The following BLVRA variants were observed in gnomAD, a reference collection of about 807,000 sequenced individuals.
BLVRA encodes the protein BVR A.
BLVRA carries 22 observed loss-of-function variants against 32.8 expected under a neutral mutation model. The observed-to-expected ratio is 0.67, with a 90% CI of 0.48 to 0.96. The LOEUF is 0.96. BLVRA is among the 40% of genes least tolerant of loss of function. BLVRA has a pLI of 0.00. For missense variants in BLVRA, 323 were observed against 358.1 expected (o/e 0.90, Z 0.79); for synonymous variants, 119 against 141.3 (o/e 0.84, Z 1.12).
chr7:43,773,880 T>G (rs2095757424), intron 2 of BLVRA, among the ~76,000 whole-genome samples: 1 of 152,258 alleles, frequency 6.6e-6, no homozygotes, highest in African/African-American at 2.4e-5. Flanking sequence ...TGCATTTCTC[T>G]GATGGCCAGT....
chr7:43,791,045 C>T (rs907892197), intron 3 of BLVRA, among the ~76,000 whole-genome samples: 1 of 152,212 alleles, frequency 6.6e-6, no homozygotes, highest in Non-Finnish European at 1.5e-5. Flanking sequence ...GTACTGTTGG[C>T]ACTCAATGCC....
chr7:43,762,606 C>CT (rs1162480081), intron 1 of BLVRA, among the ~76,000 whole-genome samples: 16,118 of 99,484 alleles, frequency 0.16, 2,285 homozygotes, highest in African/African-American at 0.35. Flanking sequence ...CCAGTAGTTC[C>CT]TTTTTTTTTT....
chr7:43,758,344 C>CGGAGCCAGGCACACCGTGAG (rs2095738289), upstream of BLVRA, among the ~76,000 whole-genome samples: 1 of 124,926 alleles, frequency 8.0e-6, no homozygotes, highest in Non-Finnish European at 2.0e-5. Context: ...CCCCCCACGC[C>CGGAGCCAGGCACACCGTGAG]GGGGCCAGGC....
chr7:43,787,858 A>G lies in BLVRA; in HGVS notation c.13-46A>G, dbSNP rs953752957. On this transcript the variant is annotated intron_variant, in intron 2 of 7. Coordinates refer to ENST00000265523, the MANE Select transcript of BLVRA (RefSeq NM_000712.4). This position sits in a 1 kb window ranked among gnomAD's most constrained non-coding sequence, Gnocchi z 4.5. ...CCTTTGTTTTGTAGTTTTCTGCTCG[A>G]TGCCTACAGTGTTTTCAGACTCCAC... 3 of 1,613,940 alleles carry G rather than the reference A, an allele frequency of 1.9e-6. No homozygotes were observed. Among genetic ancestry groups the G allele is most frequent in the African/African-American group, 1.3e-5 (1 of 74,962 alleles).
chr7:43,792,752 T>C lies in BLVRA; in HGVS notation c.292T>C (p.Tyr98His). 1 of 1,614,234 alleles carries C rather than the reference T, an allele frequency of 6.2e-7. No individual in the cohort carries two copies. The highest frequency in any genetic ancestry group is 8.5e-7 in the Non-Finnish European group (1 of 1,180,026). The part of the protein sequence containing the change: ...LNAGKHVLVE[Y>H]PMTLSLAAAQ... ...TGCTGGCAAGCACGTCCTTGTGGAA[T>C]ACCCCATGACACTGTCATTGGCGGC... is the stretch of plus-strand genomic sequence containing the variant. Residue 98 changes from tyrosine (Y) to histidine (H), a missense_variant, in exon 5 of 8, where the codon TAC becomes CAC. Tyr to His is a moderately conservative substitution (Grantham distance 83). Coordinates refer to ENST00000265523, the MANE Select transcript of BLVRA (RefSeq NM_000712.4).
intron 1 of BLVRA, among the ~76,000 whole-genome samples, chr7:43,765,105 G>A (rs2095746396): frequency 6.6e-6 from 1 of 152,192 alleles, no homozygotes; most frequent in South Asian, 2.1e-4. Flanking sequence ...ACGGGGGGAG[G>A]AGAAACCTGC....
chr7:43,797,156 G>A (rs540538075), intron 5 of BLVRA, among the ~76,000 whole-genome samples: 2 of 152,268 alleles, frequency 1.3e-5, no homozygotes, highest in East Asian at 1.9e-4. Flanking sequence ...AGGCTTGAAC[G>A]CAGTGGCGCA....
intron 1 of BLVRA, among the ~76,000 whole-genome samples, chr7:43,759,852 A>C (rs2095740265): frequency 6.6e-6 from 1 of 152,224 alleles, no homozygotes; most frequent in South Asian, 2.1e-4. Context: ...ATTCCAGAAA[A>C]ACAAGTCAAA....
At chr7:43,784,861 A>C (rs2132569987) in intron 2 of BLVRA, among the ~76,000 whole-genome samples, 1 of 152,176 alleles carries the variant, frequency 6.6e-6, no homozygotes, top group South Asian at 2.1e-4. Flanking sequence ...CGCCCACCTC[A>C]GCCTCCCAGA....
chr7:43,794,896 G>A (rs1427534652), intron 5 of BLVRA, among the ~76,000 whole-genome samples: 1 of 152,156 alleles, frequency 6.6e-6, no homozygotes, highest in Non-Finnish European at 1.5e-5. Context: ...ATGTGATTGA[G>A]TTAAGTTGTT....
intron 7 of BLVRA, among the ~76,000 whole-genome samples, chr7:43,806,173 C>T (rs1432681244): frequency 3.3e-5 from 5 of 152,098 alleles, no homozygotes; most frequent in African/African-American, 7.2e-5. Context: ...ATTAGCCAGG[C>T]GTGGTGGCAG....
intron 2 of BLVRA, among the ~76,000 whole-genome samples, chr7:43,783,485 CT>C (rs1337058198): frequency 1.4e-4 from 22 of 152,132 alleles, no homozygotes; most frequent in African/African-American, 5.1e-4. Flanking sequence ...CTTCCTCGTT[CT>C]TTTATTTTTA....
intron 1 of BLVRA, among the ~76,000 whole-genome samples, chr7:43,760,830 G>A (rs1421229333): frequency 2.0e-5 from 3 of 149,378 alleles, no homozygotes; most frequent in Non-Finnish European, 3.0e-5. Flanking sequence ...GTGCAGTGGC[G>A]CCATCTTGGC....
In BLVRA at chr7:43,807,061, G is replaced by C. The variant is rs755542460; in HGVS notation, c.717G>C (p.Glu239Asp). The part of the protein sequence containing the change: ...LSFHFKSGSL[E>D]NVPNVGVNKN... ...TCCATTTCAAGTCTGGGTCCTTGGA[G>C]AATGTGCCAAATGTAGGAGTGAATA... is the stretch of plus-strand genomic sequence containing the variant. Residue 239 changes from glutamate to aspartate, a missense_variant, in exon 8 of 8, where the codon GAG (glutamate) becomes GAC (aspartate). Glu to Asp is a conservative substitution (Grantham distance 45). Coordinates refer to ENST00000265523, the MANE Select transcript of BLVRA (RefSeq NM_000712.4). The C allele has an allele frequency of 1.9e-6, 3 of 1,614,106 alleles. No homozygotes were observed. The highest frequency in any genetic ancestry group is 2.5e-6 in the Non-Finnish European group (3 of 1,180,024).
At chr7:43,780,326 C>T (rs531857107) in intron 2 of BLVRA, among the ~76,000 whole-genome samples, 6 of 152,200 alleles carry the variant, frequency 3.9e-5, no homozygotes, top group Non-Finnish European at 7.3e-5. Flanking sequence ...AGCCAGCAGC[C>T]AGTGACCAAG....
At chr7:43,759,329 G>T (rs1277353393) in intron 1 of BLVRA, among the ~76,000 whole-genome samples, 1 of 152,248 alleles carries the variant, frequency 6.6e-6, no homozygotes, top group Admixed American at 6.5e-5. Context: ...TACATATGAA[G>T]TGCTCAGAAA....
intron 5 of BLVRA, among the ~76,000 whole-genome samples, chr7:43,799,106 G>C (rs1217689718): frequency 6.6e-6 from 1 of 152,198 alleles, no homozygotes; most frequent in African/African-American, 2.4e-5. Context: ...ATCACAAGAA[G>C]TTCCTTTTGC....
chr7:43,765,581 TAGAA>T (rs1211232353), intron 1 of BLVRA, among the ~76,000 whole-genome samples: 2 of 152,232 alleles, frequency 1.3e-5, no homozygotes, highest in Non-Finnish European at 2.9e-5. Flanking sequence ...TGGCTGCTCT[TAGAA>T]AGGCATACCA....
At position 43,805,287 on chromosome 7, in the gene BLVRA, T is replaced by TC. The variant is rs1298258340; in HGVS notation, c.632+1440_632+1441insC. ...CAGAGGCTGACTCTCTCTCTCTTTT[T>TC]TTTTTTTTTTTATGAGACAAAGTCT... On this transcript the variant is annotated intron_variant, in intron 7 of 7. Transcript: ENST00000265523. 4.6e-5 allele frequency among the ~76,000 whole-genome samples: 7 copies of TC among 151,240 alleles called. No individual in the cohort carries two copies. The East Asian group carries it at 1.4e-3, about 29-fold the overall frequency.
Sources: allele counts gnomAD v4.1 joint callset (sites outside exome capture counted in the v4.1 genomes callset), GRCh38; gene constraint gnomAD v4.1.1; non-coding constraint Gnocchi (gnomAD v3.1); transcripts MANE v1.5; gene names NCBI Gene and HGNC (gene_info 2026-07-23, HGNC 2026-07-21).